The following MTTP variants were observed in gnomAD, a reference collection of about 807,000 sequenced individuals.
MTTP encodes the protein microsomal triglyceride transfer protein, also known as microsomal triglyceride transfer protein large subunit.
A neutral mutation model predicts 90.6 loss-of-function variants in MTTP; 49 were observed. That is an observed-to-expected ratio of 0.54 (90% CI 0.43 to 0.69). The LOEUF is 0.69. MTTP is among the 30% of genes least tolerant of loss of function. The pLI, the probability that MTTP is intolerant of heterozygous loss-of-function variation, is 0.00. For missense variants in MTTP, 945 were observed against 1,067.5 expected, an observed-to-expected ratio of 0.89 and a Z score of 1.60; for synonymous variants, 347 against 384.2, an observed-to-expected ratio of 0.90 and a Z score of 1.13.
upstream of MTTP, among the ~76,000 whole-genome samples, chr4:99,572,960 G>A (rs866006293): frequency 7.9e-5 from 12 of 152,158 alleles, no homozygotes; most frequent in Middle Eastern, 3.4e-3. Flanking sequence ...TGTTGAAATT[G>A]CTACTTAATA....
At chr4:99,567,475 CA>C (rs1212087441) in intron 1 of MTTP, among the ~76,000 whole-genome samples, 2 of 152,078 alleles carry the variant, frequency 1.3e-5, no homozygotes, top group African/African-American at 2.4e-5. Flanking sequence ...AAACTGCCAA[CA>C]AAAAATCACT....
intron 10 of MTTP, among the ~76,000 whole-genome samples, chr4:99,604,106 G>C (rs1380977302): frequency 6.6e-6 from 1 of 152,052 alleles, no homozygotes. Context: ...ATTTTCTGCT[G>C]TGAAACACTC....
chr4:99,597,251 T>C (rs1465130319), intron 8 of MTTP, 27 bp downstream of exon 8: 3 of 1,609,304 alleles, frequency 1.9e-6, no homozygotes, highest in African/African-American at 1.3e-5. Context: ...TTGTGTGGGG[T>C]TGTCTGTCAG....
At chr4:99,590,809 T>A (rs964521365) in intron 4 of MTTP, among the ~76,000 whole-genome samples, 6 of 150,386 alleles carry the variant, frequency 4.0e-5, no homozygotes, top group Non-Finnish European at 8.8e-5. Flanking sequence ...TTTTAAGAAT[T>A]TCTAATCATG....
chr4:99,594,705 T>C, intron 6 of MTTP, 28 bp from the exon 7 acceptor site: 1 of 1,612,732 alleles, frequency 6.2e-7, no homozygotes, highest in Non-Finnish European at 8.5e-7. Context: ...ATGATTATAA[T>C]ATAGCATTTC....
At chr4:99,595,397 C>T (rs1725530119) in intron 7 of MTTP, 2 of 174,838 alleles carry the variant, frequency 1.1e-5, no homozygotes, top group African/African-American at 4.8e-5. Context: ...ATCCCCAGGG[C>T]AAAGTGTAGA....
Position 99,606,777 on chromosome 4 carries a change from G to T in MTTP, c.1374G>T (p.Leu458=), listed in dbSNP as rs1189477447. 2 of 1,613,810 alleles carry T rather than the reference G, an allele frequency of 1.2e-6. No homozygotes were observed. The highest frequency in any genetic ancestry group is 2.2e-5 in the East Asian group (1 of 44,876). ...KAVVEAKKLI[L]GGLEKAEKKE... ...TAGTGGAAGCTAAGAAGTTAATCCT[G>T]GGAGGACTTGAAAAAGCAGAGAAAA... Residue 458 remains leucine, a synonymous_variant, in exon 11 of 18, where the codon CTG becomes CTT. Coordinates refer to ENST00000265517, the MANE Select transcript of MTTP (RefSeq NM_001386140.1).
upstream of MTTP, among the ~76,000 whole-genome samples, chr4:99,571,476 T>C (rs1037774197): frequency 6.6e-6 from 1 of 151,982 alleles, no homozygotes; most frequent in African/African-American, 2.4e-5. Context: ...TAATTTAGAA[T>C]CCTTTTATGG....
upstream of MTTP, among the ~76,000 whole-genome samples, chr4:99,571,633 C>A (rs928195343): frequency 6.6e-6 from 1 of 151,820 alleles, no homozygotes; most frequent in Non-Finnish European, 1.5e-5. Context: ...GTGTTTCAAA[C>A]CAAGTTTGCT....
chr4:99,580,629 G>A (rs1199880734), intron 1 of MTTP, among the ~76,000 whole-genome samples: 2 of 147,274 alleles, frequency 1.4e-5, no homozygotes, highest in Non-Finnish European at 3.0e-5. Context: ...GAATTACCTG[G>A]GTGACCTTAG....
At chr4:99,617,185 A>T (rs1302464772) in intron 15 of MTTP, among the ~76,000 whole-genome samples, 2 of 152,186 alleles carry the variant, frequency 1.3e-5, no homozygotes, top group African/African-American at 4.8e-5. Flanking sequence ...CCATCACATT[A>T]GTTATAATGC....
chr4:99,599,141 A>T (rs1165029954), intron 8 of MTTP, among the ~76,000 whole-genome samples: 1 of 152,230 alleles, frequency 6.6e-6, no homozygotes, highest in Non-Finnish European at 1.5e-5. Flanking sequence ...GTATGCAAAA[A>T]GGAAAAGATT....
chr4:99,593,401 T>A (rs932887896), intron 6 of MTTP, among the ~76,000 whole-genome samples: 1 of 151,672 alleles, frequency 6.6e-6, no homozygotes, highest in Non-Finnish European at 1.5e-5. Context: ...TTAAAAAAAA[T>A]TGTTGTTAAA....
At chr4:99,585,215 G>A (rs17029165) in intron 3 of MTTP, among the ~76,000 whole-genome samples, 25,335 of 152,098 alleles carry the variant, frequency 0.17, 2,644 homozygotes, top group East Asian at 0.44. Context: ...TGTGTGCTAG[G>A]TGCTGACTAA....
rs377685458 is a variant in MTTP, at chr4:99,606,662, T to G, written c.1345-86T>G. The G allele has an allele frequency of 7.7e-5, 108 of 1,406,054 alleles. No homozygotes were observed. The African/African-American group carries it at 1.3e-3, about 18-fold the overall frequency. 87.1% of individuals were successfully genotyped at this position (1,406,054 alleles called of 1,614,324 possible). A position where few individuals can be genotyped will look rare whatever the true frequency, so the allele number is the denominator to read the frequency against. On this transcript the variant is annotated intron_variant, in intron 10 of 17. Coordinates refer to ENST00000265517, the MANE Select transcript of MTTP (RefSeq NM_001386140.1). Reference sequence around the variant, plus strand: ...AAACTTTGTAAAACTGTAGGTTGCTTTCTTGGACCCAAGAATAAAGCCAGT... The same window carrying G: ...AAACTTTGTAAAACTGTAGGTTGCTGTCTTGGACCCAAGAATAAAGCCAGT...
intron 1 of MTTP, among the ~76,000 whole-genome samples, chr4:99,565,678 T>C (rs1469168306): frequency 6.6e-6 from 1 of 152,228 alleles, no homozygotes; most frequent in Non-Finnish European, 1.5e-5. Flanking sequence ...ATACAACATG[T>C]ACTTGAGATG....
upstream of MTTP, among the ~76,000 whole-genome samples, chr4:99,569,946 C>G (rs1281438825): frequency 2.6e-5 from 4 of 151,814 alleles, no homozygotes; most frequent in African/African-American, 7.3e-5. Flanking sequence ...ATTTATTGAA[C>G]TATTTTTGTC....
At chr4:99,575,030 A>C in intron 1 of MTTP, 60 bp downstream of exon 1, 1 of 1,556,042 alleles carries the variant, frequency 6.4e-7, no homozygotes, top group Non-Finnish European at 8.9e-7. Flanking sequence ...GGAGGCAGAT[A>C]CGTGCGTGTG....
intron 1 of MTTP, among the ~76,000 whole-genome samples, chr4:99,565,467 CAT>C (rs1411565948): frequency 6.6e-6 from 1 of 152,094 alleles, no homozygotes; most frequent in Non-Finnish European, 1.5e-5. Flanking sequence ...AAAATTGAAA[CAT>C]ATAGAAAGTT....
Sources: gnomAD v4.1 joint callset for allele counts (sites outside exome capture counted in the v4.1 genomes callset) on GRCh38, gnomAD v4.1.1 for gene constraint, MANE v1.5 for transcripts, NCBI Gene and HGNC (gene_info 2026-07-23, HGNC 2026-07-21) for gene names.